The following LIX1 variants were observed in gnomAD, a reference collection of about 807,000 sequenced individuals.
LIX1 encodes the protein protein limb expression 1 homolog.
A neutral mutation model predicts 33.4 loss-of-function variants in LIX1; 24 were observed. The observed-to-expected ratio is 0.72, with a 90% CI of 0.52 to 1.01. The LOEUF is 1.01. LIX1 is among the 50% of genes least tolerant of loss of function. The pLI is 0.00. For missense variants in LIX1, 311 were observed against 339.2 expected, an observed-to-expected ratio of 0.92 and a Z score of 0.65; for synonymous variants, 124 against 124.0, an observed-to-expected ratio of 1.00 and a Z score of 0.00.
At chr5:97,129,678 T>C (rs1468872341) in intron 1 of LIX1, among the ~76,000 whole-genome samples, 2 of 152,242 alleles carry the variant, frequency 1.3e-5, no homozygotes, top group Non-Finnish European at 2.9e-5. Context: ...CGTAATATAA[T>C]AGAACTTAAG....
intron 1 of LIX1, among the ~76,000 whole-genome samples, chr5:97,136,652 G>C (rs1248758953): frequency 1.3e-5 from 2 of 152,122 alleles, no homozygotes; most frequent in Non-Finnish European, 2.9e-5. Flanking sequence ...CAGGCCATAA[G>C]TGCCAAAGGA....
chr5:97,117,273 G>T (rs556073302), intron 2 of LIX1, among the ~76,000 whole-genome samples: 115 of 152,284 alleles, frequency 7.6e-4, no homozygotes, highest in Non-Finnish European at 1.5e-3. Flanking sequence ...GTCCATCTGA[G>T]TCAAGGTATA....
intron 5 of LIX1, 148 bp from the exon 6 acceptor site, chr5:97,095,183 G>A (rs1023387866): frequency 1.3e-6 from 1 of 791,546 alleles, no homozygotes; most frequent in Non-Finnish European, 2.0e-6. Flanking sequence ...AAACCCACTG[G>A]TTTACTTCTA....
chr5:97,126,125 A>T (rs1747913786), intron 1 of LIX1, among the ~76,000 whole-genome samples: 1 of 152,258 alleles, frequency 6.6e-6, no homozygotes, highest in Non-Finnish European at 1.5e-5. Context: ...TGAAAAGTAC[A>T]CTAAACAGTC....
At chr5:97,099,553 A>G (rs1746574601) in intron 4 of LIX1, among the ~76,000 whole-genome samples, 1 of 152,210 alleles carries the variant, frequency 6.6e-6, no homozygotes, top group African/African-American at 2.4e-5. Flanking sequence ...GAAAATAAAT[A>G]TTGGCCAGGT....
In LIX1 at chr5:97,142,487, G is replaced by T. The variant is rs764551673; in HGVS notation, c.82+8C>A. 2 of 1,607,060 alleles carry T rather than the reference G, an allele frequency of 1.2e-6. No homozygotes were observed. Among genetic ancestry groups the T allele is most frequent in the Non-Finnish European group, 1.7e-6 (2 of 1,173,560 alleles). ...AAGTCAAAAAACTTTTCCCCCTTCA[G>T]TACTTACAGTCTTTGAAGACTAGAG... On this transcript the variant is annotated splice_region_variant and intron_variant, in intron 1 of 5. Transcript: ENST00000274382.
chr5:97,138,918 C>T (rs1271984901), intron 1 of LIX1, among the ~76,000 whole-genome samples: 4 of 152,146 alleles, frequency 2.6e-5, no homozygotes, highest in Non-Finnish European at 5.9e-5. Context: ...ATTTGGGGTG[C>T]TAAAGTATAT....
chr5:97,112,811 A>AG (rs1386372544), intron 2 of LIX1, among the ~76,000 whole-genome samples: 11 of 151,950 alleles, frequency 7.2e-5, no homozygotes, highest in Non-Finnish European at 1.6e-4. Context: ...AAAAAAAAAA[A>AG]AAAAAAAGAG....
chr5:97,127,661 C>T (rs1345376951), intron 1 of LIX1, among the ~76,000 whole-genome samples: 1 of 152,112 alleles, frequency 6.6e-6, no homozygotes, highest in Non-Finnish European at 1.5e-5. Context: ...GGTTTGTGGA[C>T]AATTTCAAAG....
chr5:97,110,530 C>T (rs527295414), intron 2 of LIX1, among the ~76,000 whole-genome samples: 21 of 152,156 alleles, frequency 1.4e-4, no homozygotes, highest in African/African-American at 3.6e-4. Flanking sequence ...CTGCAACCTA[C>T]GCCTCCTGGG....
At chr5:97,131,727 C>T (rs1020669035) in intron 1 of LIX1, among the ~76,000 whole-genome samples, 4 of 152,196 alleles carry the variant, frequency 2.6e-5, no homozygotes, top group Admixed American at 1.3e-4. Flanking sequence ...TAAGAAACCT[C>T]GACATAGTCT....
At chr5:97,103,865 T>C (rs1007941407) in intron 4 of LIX1, among the ~76,000 whole-genome samples, 9 of 150,788 alleles carry the variant, frequency 6.0e-5, no homozygotes, top group African/African-American at 2.2e-4. Flanking sequence ...CTCAGGAGGC[T>C]GAGGCAGGAG....
At chr5:97,135,993 G>C (rs1748165737) in intron 1 of LIX1, among the ~76,000 whole-genome samples, 1 of 152,090 alleles carries the variant, frequency 6.6e-6, no homozygotes, top group Admixed American at 6.6e-5. Flanking sequence ...TCCTTCCCTG[G>C]AAACAGTCAT....
chr5:97,136,089 G>A (rs887734354), intron 1 of LIX1, among the ~76,000 whole-genome samples: 30 of 152,206 alleles, frequency 2.0e-4, no homozygotes, highest in African/African-American at 6.5e-4. Context: ...AGCATGGTGC[G>A]TGCATGACTT....
At chr5:97,113,084 A>G (rs537171198) in intron 2 of LIX1, among the ~76,000 whole-genome samples, 2 of 152,342 alleles carry the variant, frequency 1.3e-5, no homozygotes, top group South Asian at 4.1e-4. Context: ...ACCAAGAGGA[A>G]AAGTCACTGC....
At chr5:97,128,146 A>G (rs1432254043) in intron 1 of LIX1, among the ~76,000 whole-genome samples, 1 of 152,214 alleles carries the variant, frequency 6.6e-6, no homozygotes, top group Non-Finnish European at 1.5e-5. Context: ...AATATTCCAC[A>G]TTGACTATCT....
At chr5:97,114,746 C>A (rs31013) in intron 2 of LIX1, among the ~76,000 whole-genome samples, 9 of 152,208 alleles carry the variant, frequency 5.9e-5, no homozygotes, top group Admixed American at 3.9e-4. Flanking sequence ...GTCTCATTTC[C>A]AACAGGCAGG....
At chr5:97,137,135 A>T (rs1218291201) in intron 1 of LIX1, 1 of 441,576 alleles carries the variant, frequency 2.3e-6, no homozygotes, top group Non-Finnish European at 4.5e-6. Flanking sequence ...TATGGGCTGT[A>T]ACTTAACACA....
intron 2 of LIX1, among the ~76,000 whole-genome samples, chr5:97,116,880 A>G (rs1580233535): frequency 6.6e-6 from 1 of 152,078 alleles, no homozygotes; most frequent in Non-Finnish European, 1.5e-5. Context: ...TCTAAAGTTT[A>G]TGAACTAGGG....
Sources: allele counts gnomAD v4.1 joint callset (sites outside exome capture counted in the v4.1 genomes callset), GRCh38; gene constraint gnomAD v4.1.1; transcripts MANE v1.5; gene names NCBI Gene and HGNC (gene_info 2026-07-23, HGNC 2026-07-21).